Variants in MNAT1 observed in about 807,000 individuals in gnomAD.
MNAT1 encodes the protein CDK-activating kinase assembly factor MAT1.
Under a neutral mutation model 42.0 loss-of-function variants are expected in MNAT1, and 43 were observed. That is an observed-to-expected ratio of 1.02 (90% CI 0.80 to 1.32). The LOEUF (loss-of-function observed/expected upper bound fraction) is 1.32. Ranked by LOEUF, MNAT1 falls within the 40% of genes most tolerant of loss-of-function variation. The probability of loss-of-function intolerance (pLI) is 0.00; values close to 1 mark genes in which losing one functional copy is unlikely to be tolerated. For synonymous variants in MNAT1, 118 were observed against 120.0 expected (o/e 0.98, Z 0.11); for missense variants, 306 against 350.4 (o/e 0.87, Z 1.01).
chr14:60,914,444 T>C (rs2035466918), intron 7 of MNAT1, among the ~76,000 whole-genome samples: 1 of 152,226 alleles, frequency 6.6e-6, no homozygotes, highest in Non-Finnish European at 1.5e-5. Flanking sequence ...ACTGGAGCTG[T>C]TCCTATTCGG....
intron 1 of MNAT1, among the ~76,000 whole-genome samples, chr14:60,788,956 C>T (rs2031735265): frequency 6.6e-6 from 1 of 152,112 alleles, no homozygotes; most frequent in Non-Finnish European, 1.5e-5. Flanking sequence ...CTTTTAATTT[C>T]CTTCGAGGAC....
intron 1 of MNAT1, among the ~76,000 whole-genome samples, chr14:60,751,360 C>T (rs1416860776): frequency 6.6e-6 from 1 of 151,854 alleles, no homozygotes; most frequent in Non-Finnish European, 1.5e-5. Context: ...CTACTTAGAA[C>T]AATTTTCTCT....
chr14:60,821,327 A>T (rs1236194158), intron 6 of MNAT1, among the ~76,000 whole-genome samples: 1 of 152,110 alleles, frequency 6.6e-6, no homozygotes, highest in East Asian at 1.9e-4. Flanking sequence ...ACTATCAGAA[A>T]GTGTCTTATG....
intron 7 of MNAT1, among the ~76,000 whole-genome samples, chr14:60,911,477 C>T (rs1297936490): frequency 1.3e-5 from 2 of 152,192 alleles, no homozygotes; most frequent in African/African-American, 4.8e-5. Context: ...ATAAAGTTCC[C>T]TCTACACACT....
chr14:60,915,057 A>G (rs2035482613), intron 7 of MNAT1, among the ~76,000 whole-genome samples: 2 of 152,356 alleles, frequency 1.3e-5, no homozygotes, highest in Non-Finnish European at 2.9e-5. Flanking sequence ...TATTTGACCG[A>G]GAGCAAGGTG....
intron 1 of MNAT1, among the ~76,000 whole-genome samples, chr14:60,755,412 T>C (rs527629091): frequency 4.6e-5 from 7 of 152,222 alleles, no homozygotes; most frequent in African/African-American, 1.7e-4. Context: ...AAAGTGCTGG[T>C]ATTACAGGCG....
At chr14:60,899,791 C>A (rs1362770264) in intron 7 of MNAT1, among the ~76,000 whole-genome samples, 1 of 152,134 alleles carries the variant, frequency 6.6e-6, no homozygotes, top group Non-Finnish European at 1.5e-5. Flanking sequence ...CGTTTTATTA[C>A]TTTTTGCAAA....
intron 7 of MNAT1, among the ~76,000 whole-genome samples, chr14:60,890,552 C>T (rs1021467765): frequency 1.3e-5 from 2 of 152,146 alleles, no homozygotes; most frequent in African/African-American, 4.8e-5. Flanking sequence ...GGGAGGAAGC[C>T]AGTCCGAGTC....
chr14:60,884,951 C>T (rs2034630531), intron 7 of MNAT1, among the ~76,000 whole-genome samples: 1 of 152,016 alleles, frequency 6.6e-6, no homozygotes, highest in African/African-American at 2.4e-5. Context: ...TTCATGTTTG[C>T]AGAACATTTT....
intron 7 of MNAT1, among the ~76,000 whole-genome samples, chr14:60,942,824 G>A (rs1333706183): frequency 6.6e-6 from 1 of 151,890 alleles, no homozygotes; most frequent in East Asian, 1.9e-4. Context: ...TGAAATTTTG[G>A]GATTATTCAT....
At chr14:60,829,724 A>G (rs181435292) in intron 6 of MNAT1, among the ~76,000 whole-genome samples, 2 of 152,318 alleles carry the variant, frequency 1.3e-5, no homozygotes, top group Non-Finnish European at 1.5e-5. Context: ...TGAGGGTAAC[A>G]TTAAAGGTGC....
intron 7 of MNAT1, among the ~76,000 whole-genome samples, chr14:60,906,523 AT>A (rs2035203245): frequency 6.6e-6 from 1 of 152,154 alleles, no homozygotes; most frequent in Non-Finnish European, 1.5e-5. Flanking sequence ...AAGTGGTCAG[AT>A]TATGGATATA....
chr14:60,913,755 G>A (rs1249432935), intron 7 of MNAT1, among the ~76,000 whole-genome samples: 2 of 152,198 alleles, frequency 1.3e-5, no homozygotes, highest in African/African-American at 4.8e-5. Flanking sequence ...GTACCTCCTA[G>A]TTAGGCTACT....
intron 7 of MNAT1, among the ~76,000 whole-genome samples, chr14:60,895,643 T>A (rs2034939919): frequency 6.6e-6 from 1 of 152,144 alleles, no homozygotes; most frequent in African/African-American, 2.4e-5. Flanking sequence ...AATACATCAA[T>A]TATCTCAGCC....
At chr14:60,826,310 T>TTTTTC (rs1566783125) in intron 6 of MNAT1, among the ~76,000 whole-genome samples, 1 of 132,286 alleles carries the variant, frequency 7.6e-6, no homozygotes, top group Non-Finnish European at 1.6e-5. Flanking sequence ...AGGAGAAATT[T>TTTTTC]TTTTTTTTTT....
intron 7 of MNAT1, among the ~76,000 whole-genome samples, chr14:60,885,310 GC>G (rs2034640682): frequency 6.6e-6 from 1 of 151,342 alleles, no homozygotes; most frequent in Non-Finnish European, 1.5e-5. Context: ...TCCTATTTAG[GC>G]CCCATAACTC....
chr14:60,841,653 C>T (rs982194893), intron 6 of MNAT1, among the ~76,000 whole-genome samples: 1 of 151,926 alleles, frequency 6.6e-6, no homozygotes, highest in African/African-American at 2.4e-5. Flanking sequence ...TCCTGAAGTG[C>T]GTTACATATT....
At chr14:60,873,325 G>GT (rs766614014) in intron 6 of MNAT1, among the ~76,000 whole-genome samples, 14 of 151,306 alleles carry the variant, frequency 9.3e-5, no homozygotes, top group Admixed American at 2.0e-4. Context: ...TTCAATAGTA[G>GT]TTTTTTTATA....
chr14:60,736,759 T>C (rs547109255), intron 1 of MNAT1, among the ~76,000 whole-genome samples: 1 of 152,192 alleles, frequency 6.6e-6, no homozygotes, highest in Non-Finnish European at 1.5e-5. Context: ...GTTGGTACAA[T>C]AGAGAAAATA....
Sources: gnomAD v4.1 joint callset for allele counts (sites outside exome capture counted in the v4.1 genomes callset) on GRCh38, gnomAD v4.1.1 for gene constraint, MANE v1.5 for transcripts, NCBI Gene and HGNC (gene_info 2026-07-23, HGNC 2026-07-21) for gene names.